PARD3B: variants seen among roughly 807,000 people sequenced by gnomAD.
PARD3B encodes the protein partitioning defective 3 homolog B.
Under a neutral mutation model 130.2 loss-of-function variants are expected in PARD3B, and 103 were observed. The ratio of observed to expected loss-of-function variants is 0.79; its 90% confidence interval spans 0.67 to 0.93. PARD3B has a LOEUF of 0.93. PARD3B is among the 40% of genes least tolerant of loss of function. PARD3B has a pLI of 0.00. For synonymous variants in PARD3B, 583 were observed against 553.2 expected, an observed-to-expected ratio of 1.05 and a Z score of -0.76; for missense variants, 1,609 against 1,499.2, an observed-to-expected ratio of 1.07 and a Z score of -1.21.
intron 21 of PARD3B, among the ~76,000 whole-genome samples, chr2:205,507,144 C>G (rs1214726120): frequency 2.1e-5 from 3 of 144,212 alleles, no homozygotes; most frequent in Non-Finnish European, 3.0e-5. Flanking sequence ...TTGATTCAGC[C>G]TGGATCACGT....
chr2:205,075,313 A>G (rs1700975363), intron 4 of PARD3B, among the ~76,000 whole-genome samples: 1 of 152,178 alleles, frequency 6.6e-6, no homozygotes, highest in African/African-American at 2.4e-5. Flanking sequence ...GTTTTGTACT[A>G]GTAAACTTTG....
chr2:204,919,278 G>A (rs1217125830), intron 2 of PARD3B, among the ~76,000 whole-genome samples: 1 of 152,086 alleles, frequency 6.6e-6, no homozygotes, highest in Non-Finnish European at 1.5e-5. Flanking sequence ...TACATATGAT[G>A]AAATGCACAA....
chr2:204,752,099 C>T (rs1014732316), intron 2 of PARD3B, among the ~76,000 whole-genome samples: 1 of 152,076 alleles, frequency 6.6e-6, no homozygotes, highest in Non-Finnish European at 1.5e-5. Flanking sequence ...ATAATCATTA[C>T]ACACCAGGGT....
chr2:205,391,077 G>A (rs1257484402), intron 18 of PARD3B, among the ~76,000 whole-genome samples: 3 of 152,222 alleles, frequency 2.0e-5, no homozygotes, highest in East Asian at 3.9e-4. Flanking sequence ...CCAGTGTGGA[G>A]CAAGCTGGGG....
intron 1 of PARD3B, among the ~76,000 whole-genome samples, chr2:204,570,349 C>T (rs1443526416): frequency 6.6e-6 from 1 of 152,124 alleles, no homozygotes; most frequent in Non-Finnish European, 1.5e-5. Context: ...TGGACTGTAG[C>T]TCACCTTTAG....
intron 2 of PARD3B, among the ~76,000 whole-genome samples, chr2:204,704,031 C>T (rs2038018941): frequency 6.6e-6 from 1 of 151,920 alleles, no homozygotes; most frequent in Admixed American, 6.6e-5. Context: ...ATAAATGTTT[C>T]AGAATAAAAT....
chr2:205,514,328 C>CACTT (rs967763689), intron 21 of PARD3B, among the ~76,000 whole-genome samples: 3 of 152,228 alleles, frequency 2.0e-5, no homozygotes, highest in East Asian at 1.9e-4. Flanking sequence ...GGAACACACA[C>CACTT]ACTTACGTTT....
At chr2:205,108,830 T>C (rs1575808875) in intron 5 of PARD3B, among the ~76,000 whole-genome samples, 1 of 152,194 alleles carries the variant, frequency 6.6e-6, no homozygotes, top group African/African-American at 2.4e-5. Flanking sequence ...TGGTATGATG[T>C]CGGACAAGTT....
chr2:205,021,621 CCTCT>C lies in PARD3B; in HGVS notation c.395-25955_395-25952del, dbSNP rs1491445035. 1.6e-5 allele frequency among the ~76,000 whole-genome samples: 2 copies of C among 127,964 alleles called. No homozygotes were observed. Among genetic ancestry groups the C allele is most frequent in the East Asian group, 4.3e-4 (2 of 4,622 alleles). The allele number at this position is 127,964 out of a possible 152,430, so 83.9% of individuals were successfully genotyped here. On this transcript the variant is annotated intron_variant, in intron 3 of 22. Coordinates refer to ENST00000406610, the MANE Select transcript of PARD3B (RefSeq NM_001302769.2). The surrounding 1 kb of genome is among the most constrained non-coding windows in gnomAD (Gnocchi z 4.5). ...CTCTCTCTCTCTCTCTCTCTCTCTCCCTCTCTCTTTCTCTCTCTCTCTCTCTCTC... is the reference window on the plus strand; with the variant it reads ...CTCTCTCTCTCTCTCTCTCTCTCTCCCTCTTTCTCTCTCTCTCTCTCTCTC...
At chr2:204,681,116 A>G (rs1223221278) in intron 1 of PARD3B, among the ~76,000 whole-genome samples, 1 of 152,144 alleles carries the variant, frequency 6.6e-6, no homozygotes, top group Non-Finnish European at 1.5e-5. Flanking sequence ...GGGTACGTAC[A>G]CATTTAACAT....
At chr2:204,864,313 T>A (rs12328364) in intron 2 of PARD3B, among the ~76,000 whole-genome samples, 1 of 152,228 alleles carries the variant, frequency 6.6e-6, no homozygotes, top group South Asian at 2.1e-4. Context: ...TAGATTAAGA[T>A]GTAAACTTCT....
At position 205,243,425 on chromosome 2, in the gene PARD3B, A is replaced by G. The variant is rs571790641; in HGVS notation, c.2141-2353A>G. Among the ~76,000 whole-genome samples the G allele has an allele frequency of 6.6e-5, 10 of 152,348 alleles. No individual in the cohort carries two copies. In the South Asian group the frequency reaches 1.2e-3, roughly 19 times the overall value. On this transcript the variant is annotated intron_variant, in intron 15 of 22. Coordinates refer to ENST00000406610, the MANE Select transcript of PARD3B (RefSeq NM_001302769.2). ...GAGACTGAGGCCACAGAAAGTTAAA[A>G]TGATTTGCACAAAACTGTTGTTTCC...
chr2:204,564,709 T>G (rs952184520), intron 1 of PARD3B, among the ~76,000 whole-genome samples: 4 of 152,212 alleles, frequency 2.6e-5, no homozygotes, highest in Non-Finnish European at 5.9e-5. Flanking sequence ...ATTAGCTGGA[T>G]TCTCAAATCT....
intron 2 of PARD3B, among the ~76,000 whole-genome samples, chr2:204,862,180 C>G (rs2045235525): frequency 6.6e-6 from 1 of 152,142 alleles, no homozygotes; most frequent in Non-Finnish European, 1.5e-5. Context: ...AGCGATACAG[C>G]TCTTTTTCCT....
rs1332133843 is a variant in PARD3B at position 204,967,688 on chromosome 2, G to A, written c.394+2365G>A. ...AGCAAAGAAAAAACATATTTGTCAG[G>A]TTTTTCAGATAGCGAAGTTAAAGAA... is the stretch of plus-strand genomic sequence containing the variant. On this transcript the variant is annotated intron_variant, in intron 3 of 22. Coordinates refer to ENST00000406610, the MANE Select transcript of PARD3B (RefSeq NM_001302769.2). The surrounding 1 kb of genome is among the most constrained non-coding windows in gnomAD (Gnocchi z 4.4). Among the ~76,000 whole-genome samples the A allele has an allele frequency of 1.3e-5, 2 of 152,182 alleles. No homozygotes were observed. Among genetic ancestry groups the A allele is most frequent in the Non-Finnish European group, 2.9e-5 (2 of 68,032 alleles).
At chr2:205,328,975 C>G (rs1374752244) in intron 18 of PARD3B, among the ~76,000 whole-genome samples, 1 of 152,168 alleles carries the variant, frequency 6.6e-6, no homozygotes, top group East Asian at 1.9e-4. Flanking sequence ...TACTACCAAT[C>G]AAAATCCTGC....
intron 2 of PARD3B, among the ~76,000 whole-genome samples, chr2:204,700,836 G>C (rs1433465446): frequency 6.6e-6 from 1 of 151,920 alleles, no homozygotes; most frequent in African/African-American, 2.4e-5. Context: ...ACTTTTGTTT[G>C]TTTTTTCCTT....
chr2:205,231,774 G>A (rs1485484480), intron 15 of PARD3B, among the ~76,000 whole-genome samples: 1 of 152,202 alleles, frequency 6.6e-6, no homozygotes, highest in Non-Finnish European at 1.5e-5. Context: ...GGGTTAGAGT[G>A]TACAGAGAAA....
At chr2:204,843,744 G>C (rs770490085) in intron 2 of PARD3B, among the ~76,000 whole-genome samples, 1 of 152,036 alleles carries the variant, frequency 6.6e-6, no homozygotes, top group Non-Finnish European at 1.5e-5. Flanking sequence ...CTGAATTTCT[G>C]CCTTTGTCTG....
Sources: allele counts gnomAD v4.1 joint callset (sites outside exome capture counted in the v4.1 genomes callset), GRCh38; gene constraint gnomAD v4.1.1; non-coding constraint Gnocchi (gnomAD v3.1); transcripts MANE v1.5; gene names NCBI Gene and HGNC (gene_info 2026-07-23, HGNC 2026-07-21).